Variants in EEFSEC observed in about 807,000 individuals in gnomAD.
EEFSEC encodes the protein eukaryotic elongation factor, selenocysteine-tRNA specific, also known as selenocysteine-specific elongation factor.
In EEFSEC, 43 loss-of-function variants were observed where a neutral mutation model predicts 42.1. The observed-to-expected ratio is 1.02, with a 90% confidence interval of 0.80 to 1.32. EEFSEC has a LOEUF of 1.32. Ranked by LOEUF, EEFSEC falls within the 40% of genes most tolerant of loss-of-function variation. The probability of loss-of-function intolerance (pLI) is 0.00; values close to 1 mark genes in which losing one functional copy is unlikely to be tolerated. For missense variants in EEFSEC, 745 were observed against 803.6 expected, an observed-to-expected ratio of 0.93 and a Z score of 0.88; for synonymous variants, 354 against 339.1, an observed-to-expected ratio of 1.04 and a Z score of -0.48.
the EEFSEC span, among the ~76,000 whole-genome samples, chr3:128,416,881 A>G: frequency 6.6e-6 from 1 of 151,868 alleles, no homozygotes; most frequent in East Asian, 1.9e-4. Flanking sequence ...CTATGCCTGG[A>G]GCTCACCCCT....
At chr3:128,251,281 A>T (rs2066183963) in intron 2 of EEFSEC, among the ~76,000 whole-genome samples, 2 of 152,210 alleles carry the variant, frequency 1.3e-5, no homozygotes, top group Admixed American at 1.3e-4. Flanking sequence ...TAAGGTGAAC[A>T]TCTCTGTACA....
In EEFSEC at chr3:128,246,817, T is replaced by G. The variant is rs2066133240; in HGVS notation, c.317-19T>G. ...CACCACCCCTTTTCCCTTTCTAACCTTCTCTTCTCTTATTCCAGGGGCCCA... is the reference window on the plus strand; with the variant it reads ...CACCACCCCTTTTCCCTTTCTAACCGTCTCTTCTCTTATTCCAGGGGCCCA... On this transcript the variant is annotated intron_variant, in intron 1 of 6. Coordinates refer to ENST00000254730, the MANE Select transcript of EEFSEC (RefSeq NM_021937.5). 6.2e-7 allele frequency: 1 copy of G among 1,612,580 alleles called. No homozygotes were observed. The highest frequency in any genetic ancestry group is 1.3e-5 in the African/African-American group (1 of 74,890).
chr3:128,234,837 T>C (rs1453916885), intron 1 of EEFSEC, among the ~76,000 whole-genome samples: 1 of 152,226 alleles, frequency 6.6e-6, no homozygotes, highest in African/African-American at 2.4e-5. Flanking sequence ...ATTTCAAGAT[T>C]CTTTAAGTCC....
chr3:128,336,117 A>G (rs867624197), intron 4 of EEFSEC, among the ~76,000 whole-genome samples: 36 of 152,090 alleles, frequency 2.4e-4, no homozygotes, highest in African/African-American at 8.0e-4. Flanking sequence ...TCCTACTTGC[A>G]GAACTCCCAG....
At chr3:128,257,841 C>CG (rs2066257422) in intron 2 of EEFSEC, among the ~76,000 whole-genome samples, 1 of 152,178 alleles carries the variant, frequency 6.6e-6, no homozygotes, top group Non-Finnish European at 1.5e-5. Context: ...GCTGTCCCCC[C>CG]CCAGCATGGA....
intron 4 of EEFSEC, among the ~76,000 whole-genome samples, chr3:128,286,264 G>C (rs1292075368): frequency 2.6e-5 from 4 of 152,184 alleles, no homozygotes; most frequent in Non-Finnish European, 4.4e-5. Context: ...ACACATACTG[G>C]TCATCTATTC....
intron 4 of EEFSEC, among the ~76,000 whole-genome samples, chr3:128,327,089 C>G (rs571908823): frequency 6.6e-6 from 1 of 152,326 alleles, no homozygotes; most frequent in African/African-American, 2.4e-5. Flanking sequence ...TGCCTGCCCC[C>G]ACGTGTGCTC....
At chr3:128,406,093 T>A (rs2107640397) in intron 6 of EEFSEC, among the ~76,000 whole-genome samples, 1 of 152,230 alleles carries the variant, frequency 6.6e-6, no homozygotes, top group Middle Eastern at 3.4e-3. Flanking sequence ...GAGTGAGTGC[T>A]TACACTGAGG....
chr3:128,239,083 G>A (rs866240859), intron 1 of EEFSEC, among the ~76,000 whole-genome samples: 1 of 152,232 alleles, frequency 6.6e-6, no homozygotes. Flanking sequence ...CCTTTGCAGG[G>A]CAGTTCAAAC....
chr3:128,362,163 C>G (rs781457022), intron 6 of EEFSEC: 4 of 502,072 alleles, frequency 8.0e-6, no homozygotes, highest in Non-Finnish European at 1.7e-5. Context: ...CTTGGCAAGC[C>G]GTCTGTCCCA....
At position 128,314,940 on chromosome 3, in the gene EEFSEC, T is replaced by C. The variant is rs529582004; in HGVS notation, c.787-26293T>C. Among the ~76,000 whole-genome samples, 95 of 152,098 alleles carry C rather than the reference T, an allele frequency of 6.2e-4. 2 individuals carry two copies. The highest frequency in any genetic ancestry group is 5.6e-3 in the Admixed American group (85 of 15,264). ...AGACCTGTAGCTGAGAAGGCAGGGA[T>C]GGGGGTCGCCTGGAGCCATCAACAT... On this transcript the variant is annotated intron_variant, in intron 4 of 6. Coordinates refer to ENST00000254730, the MANE Select transcript of EEFSEC (RefSeq NM_021937.5).
At chr3:128,404,157 A>G (rs990892896) in intron 6 of EEFSEC, among the ~76,000 whole-genome samples, 2 of 152,232 alleles carry the variant, frequency 1.3e-5, no homozygotes, top group Non-Finnish European at 2.9e-5. Context: ...AAGAAAGGAA[A>G]AAAAAGGCCA....
chr3:128,251,783 T>C (rs1321947381), intron 2 of EEFSEC, among the ~76,000 whole-genome samples: 2 of 152,190 alleles, frequency 1.3e-5, no homozygotes, highest in Non-Finnish European at 2.9e-5. Context: ...CATGCAGAAG[T>C]TTCTAATTTT....
intron 5 of EEFSEC, among the ~76,000 whole-genome samples, chr3:128,347,220 G>A (rs2067322705): frequency 6.6e-6 from 1 of 151,662 alleles, no homozygotes; most frequent in Non-Finnish European, 1.5e-5. Flanking sequence ...AAGTCCACGT[G>A]TACTTCTATA....
chr3:128,270,954 A>G (rs1371732542), intron 4 of EEFSEC, among the ~76,000 whole-genome samples: 2 of 152,180 alleles, frequency 1.3e-5, no homozygotes, highest in East Asian at 1.9e-4. Context: ...AGTCTCCTCC[A>G]TCTTTGTATT....
chr3:128,409,361 CGTGTGT>C (rs60523218), downstream of EEFSEC, among the ~76,000 whole-genome samples: 2 of 149,676 alleles, frequency 1.3e-5, no homozygotes, highest in African/African-American at 2.4e-5. Context: ...GCCCCAGAGC[CGTGTGT>C]GTGTGTGTGT....
At chr3:128,418,471 C>T in the EEFSEC span, among the ~76,000 whole-genome samples, 1 of 152,054 alleles carries the variant, frequency 6.6e-6, no homozygotes, top group African/African-American at 2.4e-5. Flanking sequence ...ACATCCCAAT[C>T]TGACCTTCCC....
At chr3:128,205,283 A>G (rs2065686166) in intron 1 of EEFSEC, among the ~76,000 whole-genome samples, 1 of 151,296 alleles carries the variant, frequency 6.6e-6, no homozygotes, top group African/African-American at 2.4e-5. Context: ...ACTCAGATGT[A>G]TCTGGGAAGA....
Position 128,253,589 on chromosome 3 carries a change from C to T in EEFSEC, c.524+6546C>T, listed in dbSNP as rs2066211254. 2.0e-5 allele frequency among the ~76,000 whole-genome samples: 3 copies of T among 152,180 alleles called. No individual in the cohort carries two copies. The South Asian group carries it at 6.2e-4, about 32-fold the overall frequency. On this transcript the variant is annotated intron_variant, in intron 2 of 6. Coordinates refer to ENST00000254730, the MANE Select transcript of EEFSEC (RefSeq NM_021937.5). ...CTTTCCCATTTTCTCTCCTGTGTTTCTTTTCTTCTTTTCTGTCTCTCTTCC... is the reference window on the plus strand; with the variant it reads ...CTTTCCCATTTTCTCTCCTGTGTTTTTTTTCTTCTTTTCTGTCTCTCTTCC...
Sources: gnomAD v4.1 joint callset for allele counts (sites outside exome capture counted in the v4.1 genomes callset) on GRCh38, gnomAD v4.1.1 for gene constraint, MANE v1.5 for transcripts, NCBI Gene and HGNC (gene_info 2026-07-23, HGNC 2026-07-21) for gene names.